The following PHACTR3 variants were observed in gnomAD, a reference collection of about 807,000 sequenced individuals.
The protein encoded by PHACTR3 is phosphatase and actin regulator 3, also known as protein phosphatase 1, regulatory subunit 123.
PHACTR3 carries 16 observed loss-of-function variants against 66.8 expected under a neutral mutation model. That is an observed-to-expected ratio of 0.24 (90% CI 0.16 to 0.36). The LOEUF is 0.36. Among genes scored for constraint, PHACTR3 ranks in the 10% least tolerant of loss-of-function variants. PHACTR3 has a pLI of 1.00. For synonymous variants in PHACTR3, 323 were observed against 292.1 expected (o/e 1.11, Z -1.08); for missense variants, 647 against 719.9 (o/e 0.90, Z 1.16).
At chr20:59,654,694 A>G (rs900489454) in intron 1 of PHACTR3, among the ~76,000 whole-genome samples, 4 of 152,148 alleles carry the variant, frequency 2.6e-5, no homozygotes, top group Non-Finnish European at 5.9e-5. Flanking sequence ...TCTCAAATAA[A>G]ATATGGAAAA....
chr20:59,619,483 C>A lies in PHACTR3; in HGVS notation c.118+14351C>A, dbSNP rs376946323. On this transcript the variant is annotated intron_variant, in intron 1 of 12. Coordinates refer to ENST00000371015, the MANE Select transcript of PHACTR3 (RefSeq NM_080672.5). ...CTCTTGCTAACACCCTGAGTGAGCACGGAAGTAGAGTTTCCCCTTGAGGGA... is the reference window on the plus strand; with the variant it reads ...CTCTTGCTAACACCCTGAGTGAGCAAGGAAGTAGAGTTTCCCCTTGAGGGA... 1.7e-4 allele frequency among the ~76,000 whole-genome samples: 26 copies of A among 152,126 alleles called. No homozygotes were observed. In the East Asian group the frequency reaches 2.9e-3, roughly 17 times the overall value.
At chr20:59,775,433 C>A (rs2040504450) in intron 7 of PHACTR3, among the ~76,000 whole-genome samples, 2 of 152,070 alleles carry the variant, frequency 1.3e-5, no homozygotes. Flanking sequence ...CGGTGCTGAC[C>A]CTGGCTGGTA....
intron 7 of PHACTR3, among the ~76,000 whole-genome samples, chr20:59,784,185 C>T (rs6128693): frequency 0.11 from 17,482 of 152,082 alleles, 2,409 homozygotes; most frequent in African/African-American, 0.32. Context: ...CTCAAGACTG[C>T]GGAATCCACT....
intron 1 of PHACTR3, among the ~76,000 whole-genome samples, chr20:59,648,410 G>T (rs1205478701): frequency 6.6e-6 from 1 of 152,220 alleles, no homozygotes; most frequent in East Asian, 1.9e-4. Context: ...TGGGCAAGGG[G>T]TAGGTCCCTT....
At chr20:59,815,639 G>T (rs2041867050) in intron 8 of PHACTR3, among the ~76,000 whole-genome samples, 1 of 152,102 alleles carries the variant, frequency 6.6e-6, no homozygotes. Context: ...TGGCCAGGAT[G>T]GTCTTGATCT....
chr20:59,752,152 T>C (rs1390298178), intron 3 of PHACTR3, among the ~76,000 whole-genome samples: 2 of 152,194 alleles, frequency 1.3e-5, no homozygotes, highest in Admixed American at 6.5e-5. Flanking sequence ...CTATCTGGTT[T>C]CCATGTGGTA....
intron 3 of PHACTR3, among the ~76,000 whole-genome samples, chr20:59,748,402 C>T (rs1236775248): frequency 6.6e-6 from 1 of 152,114 alleles, no homozygotes; most frequent in Non-Finnish European, 1.5e-5. Flanking sequence ...TGCCCCAAGT[C>T]ATTGCAGCCT....
intron 1 of PHACTR3, among the ~76,000 whole-genome samples, chr20:59,655,904 T>C (rs2035606270): frequency 1.3e-5 from 2 of 151,980 alleles, no homozygotes; most frequent in South Asian, 4.1e-4. Flanking sequence ...CTTTGACTCA[T>C]TGGTTATTTA....
chr20:59,645,270 T>C (rs2035245921), intron 1 of PHACTR3, among the ~76,000 whole-genome samples: 1 of 149,684 alleles, frequency 6.7e-6, no homozygotes, highest in African/African-American at 2.5e-5. Flanking sequence ...CCATGCATCA[T>C]GAGTCCCCCA....
chr20:59,747,607 C>T lies in PHACTR3; in HGVS notation c.281-151C>T. 3 of 765,160 alleles carry T rather than the reference C, an allele frequency of 3.9e-6. No homozygotes were observed. The South Asian group carries it at 5.3e-5, about 13-fold the overall frequency. 47.4% of individuals were successfully genotyped at this position (765,160 alleles called of 1,614,324 possible). A position where few individuals can be genotyped will look rare whatever the true frequency, so the allele number is the denominator to read the frequency against. On this transcript the variant is annotated intron_variant, in intron 2 of 12. Coordinates refer to ENST00000371015, the MANE Select transcript of PHACTR3 (RefSeq NM_080672.5). ...CAGCACTCTTGGTAAGAAAGTTGGGCCTCGCCAGTGGACTAGGCCCCCTAA... is the reference window on the plus strand; with the variant it reads ...CAGCACTCTTGGTAAGAAAGTTGGGTCTCGCCAGTGGACTAGGCCCCCTAA...
At chr20:59,834,936 CA>C (rs749506700) in intron 8 of PHACTR3, among the ~76,000 whole-genome samples, 3 of 151,958 alleles carry the variant, frequency 2.0e-5, no homozygotes, top group African/African-American at 7.3e-5. Context: ...AAAATAATTG[CA>C]AAAAAACCCT....
intron 7 of PHACTR3, among the ~76,000 whole-genome samples, chr20:59,796,529 TGTAAAGGCAATCTA>T (rs1393463757): frequency 6.6e-6 from 1 of 152,178 alleles, no homozygotes. Flanking sequence ...GAGCATTTCT[TGTAAAGGCAATCTA>T]GTGGTAATGA....
chr20:59,745,210 C>T (rs1288257763), intron 2 of PHACTR3, among the ~76,000 whole-genome samples: 1 of 152,156 alleles, frequency 6.6e-6, no homozygotes, highest in African/African-American at 2.4e-5. Flanking sequence ...GAAAAGGCAG[C>T]GAGCTGGGGA....
At position 59,847,033 on chromosome 20, in the gene PHACTR3, ATTTATTTGTATAAGGTTTTTGGCTAT is replaced by A. The variant is rs532153513; in HGVS notation, c.1665-77_1665-52del. 2.0e-3 allele frequency: 1,922 copies of A among 977,554 alleles called. 21 individuals are homozygous for A. In the African/African-American group the frequency reaches 0.027, roughly 14 times the overall value. The allele number at this position is 977,554 out of a possible 1,614,324, so 60.6% of individuals were successfully genotyped here. A position where few individuals can be genotyped will look rare whatever the true frequency, so the allele number is the denominator to read the frequency against. ...CTGAGAATCTTTTTAATAGCAGCAA[ATTTATTTGTATAAGGTTTTTGGCTAT>A]TTTAACTGCTAGAAATGAATAACCT... On this transcript the variant is annotated intron_variant, in intron 12 of 12. Transcript: ENST00000371015.
chr20:59,670,181 A>G (rs1271563394), intron 1 of PHACTR3, among the ~76,000 whole-genome samples: 1 of 152,202 alleles, frequency 6.6e-6, no homozygotes, highest in East Asian at 1.9e-4. Flanking sequence ...AGCTATTAAT[A>G]CACACCATGA....
intron 1 of PHACTR3, among the ~76,000 whole-genome samples, chr20:59,714,746 T>C (rs2038035035): frequency 6.6e-6 from 1 of 152,236 alleles, no homozygotes; most frequent in African/African-American, 2.4e-5. Context: ...TGGAATTACA[T>C]TGAACTTGTG....
At chr20:59,802,567 C>T (rs917723819) in intron 7 of PHACTR3, among the ~76,000 whole-genome samples, 6 of 152,246 alleles carry the variant, frequency 3.9e-5, no homozygotes, top group Admixed American at 6.5e-5. Flanking sequence ...CTGATGAGAC[C>T]GGGGCTAGGG....
chr20:59,607,651 C>T (rs916260462), intron 1 of PHACTR3, among the ~76,000 whole-genome samples: 9 of 152,186 alleles, frequency 5.9e-5, no homozygotes, highest in Admixed American at 3.9e-4. Context: ...AATTGAGGGG[C>T]ATCCTTTGGA....
intron 1 of PHACTR3, among the ~76,000 whole-genome samples, chr20:59,624,629 G>A (rs892837551): frequency 6.6e-6 from 1 of 152,128 alleles, no homozygotes; most frequent in Admixed American, 6.5e-5. Flanking sequence ...AGCCACCTCA[G>A]TCCCTACCGG....
Sources: allele counts gnomAD v4.1 joint callset (sites outside exome capture counted in the v4.1 genomes callset), GRCh38; gene constraint gnomAD v4.1.1; transcripts MANE v1.5; gene names NCBI Gene and HGNC (gene_info 2026-07-23, HGNC 2026-07-21).